LTBP1: variants seen among roughly 807,000 people sequenced by gnomAD.
LTBP1 encodes the protein latent transforming growth factor beta binding protein 1.
A neutral mutation model predicts 207.6 loss-of-function variants in LTBP1; 129 were observed. That is an observed-to-expected ratio of 0.62 (90% CI 0.54 to 0.72). LTBP1 has a LOEUF of 0.72. LTBP1 is among the 30% of genes least tolerant of loss of function. The probability of loss-of-function intolerance (pLI) is 0.00; values close to 1 mark genes in which losing one functional copy is unlikely to be tolerated. For synonymous variants in LTBP1, 963 were observed against 833.7 expected (o/e 1.16, Z -2.67); for missense variants, 2,281 against 2,217.2 (o/e 1.03, Z -0.58).
intron 26 of LTBP1, among the ~76,000 whole-genome samples, chr2:33,352,279 A>ATTGG (rs2094792294): frequency 6.6e-6 from 1 of 152,004 alleles, no homozygotes. Flanking sequence ...TTATAGGAGC[A>ATTGG]TACCACCACG....
intron 2 of LTBP1, among the ~76,000 whole-genome samples, chr2:32,972,705 TAGTG>T (rs1681094273): frequency 6.6e-6 from 1 of 152,180 alleles, no homozygotes; most frequent in Non-Finnish European, 1.5e-5. Flanking sequence ...GTTCTTGTGA[TAGTG>T]AGGGAGTTCT....
intron 31 of LTBP1, among the ~76,000 whole-genome samples, chr2:33,378,185 ATG>A (rs57388002): frequency 0.073 from 9,610 of 131,830 alleles, 507 homozygotes; most frequent in African/African-American, 0.16. Context: ...ATATATATAT[ATG>A]TGTGTGTGTG....
At chr2:33,280,654 TA>T (rs1252784985) in intron 19 of LTBP1, among the ~76,000 whole-genome samples, 1 of 152,256 alleles carries the variant, frequency 6.6e-6, no homozygotes, top group Non-Finnish European at 1.5e-5. Flanking sequence ...CATTTGTGTC[TA>T]CCATGTAATC....
At position 33,053,512 on chromosome 2, in the gene LTBP1, G is replaced by A. The variant is rs181478492; in HGVS notation, c.863+32306G>A. Among the ~76,000 whole-genome samples the A allele has an allele frequency of 1.9e-4, 29 of 152,144 alleles. No homozygotes were observed. In the East Asian group the frequency reaches 2.1e-3, roughly 11 times the overall value. Reference sequence around the variant, plus strand: ...GCCCTCGCAGCCCTCGCTCGCTCTCGGTGCTTCCTCGGCCTCGGCGCCCAG... The same window carrying A: ...GCCCTCGCAGCCCTCGCTCGCTCTCAGTGCTTCCTCGGCCTCGGCGCCCAG... On this transcript the variant is annotated intron_variant, in intron 3 of 33. Transcript: ENST00000404816.
intron 3 of LTBP1, among the ~76,000 whole-genome samples, chr2:33,040,341 C>T (rs1055423173): frequency 1.3e-5 from 2 of 152,184 alleles, no homozygotes; most frequent in African/African-American, 4.8e-5. Context: ...GATTAGCAGA[C>T]CCTTCCTGGT....
At position 33,280,901 on chromosome 2, in the gene LTBP1, T is replaced by G. The variant is rs951493138; in HGVS notation, c.3112+743T>G. Among the ~76,000 whole-genome samples the G allele has an allele frequency of 4.6e-5, 7 of 152,102 alleles. No homozygotes were observed. In the East Asian group the frequency reaches 1.4e-3, roughly 29 times the overall value. The stretch of plus-strand genomic sequence containing the variant: ...CTGGGCAGCATAGCAAGACCTCATC[T>G]CTACAAAACATTAAAAAACTTACCT... On this transcript the variant is annotated intron_variant, in intron 19 of 33. Transcript: ENST00000404816.
At chr2:33,098,681 C>T (rs755220927) in intron 3 of LTBP1, among the ~76,000 whole-genome samples, 24 of 152,128 alleles carry the variant, frequency 1.6e-4, no homozygotes, top group Non-Finnish European at 2.8e-4. Flanking sequence ...TCAGGTAATC[C>T]GCCCACCTTG....
At chr2:33,253,830 C>T (rs558302594) in intron 11 of LTBP1, among the ~76,000 whole-genome samples, 1 of 150,096 alleles carries the variant, frequency 6.7e-6, no homozygotes, top group Non-Finnish European at 1.5e-5. Context: ...TTTAGGCCTC[C>T]AAAAGATCCT....
At chr2:33,298,158 G>C (rs1202195881) in intron 20 of LTBP1, among the ~76,000 whole-genome samples, 2 of 152,170 alleles carry the variant, frequency 1.3e-5, no homozygotes, top group Admixed American at 1.3e-4. Flanking sequence ...GCTCAGAAAT[G>C]CTATCCCTCA....
At chr2:33,051,118 G>A (rs1162192902) in intron 3 of LTBP1, among the ~76,000 whole-genome samples, 1 of 152,160 alleles carries the variant, frequency 6.6e-6, no homozygotes, top group African/African-American at 2.4e-5. Flanking sequence ...AGGAAGTGCT[G>A]TAAAAACTAT....
intron 18 of LTBP1, among the ~76,000 whole-genome samples, chr2:33,276,428 T>A (rs1227674343): frequency 6.6e-6 from 1 of 152,264 alleles, no homozygotes; most frequent in African/African-American, 2.4e-5. Context: ...TCCTCATTAT[T>A]GACCACAGCA....
chr2:33,397,292 A>T lies in LTBP1; in HGVS notation c.4984+10A>T. ...AAGATGACCTGTGTCGGTAAGAATGACGTGTGTTTTATGGGACATTAATTT... is the reference window on the plus strand; with the variant it reads ...AAGATGACCTGTGTCGGTAAGAATGTCGTGTGTTTTATGGGACATTAATTT... On this transcript the variant is annotated intron_variant, in intron 33 of 33. Transcript: ENST00000404816. 2 of 1,613,888 alleles carry T rather than the reference A, an allele frequency of 1.2e-6. No homozygotes were observed. Among genetic ancestry groups the T allele is most frequent in the Non-Finnish European group, 1.7e-6 (2 of 1,179,838 alleles).
chr2:33,283,682 C>T (rs541131201), intron 19 of LTBP1, among the ~76,000 whole-genome samples: 5 of 152,126 alleles, frequency 3.3e-5, no homozygotes, highest in Non-Finnish European at 5.9e-5. Flanking sequence ...GTGATCCACC[C>T]GCCTCGGCCT....
chr2:33,004,346 A>G (rs973786243), intron 2 of LTBP1, among the ~76,000 whole-genome samples: 3 of 152,118 alleles, frequency 2.0e-5, no homozygotes, highest in African/African-American at 7.2e-5. Context: ...TTGTCCTCAC[A>G]GAGTTCTGTG....
At chr2:33,197,023 G>GA (rs1330143199) in intron 7 of LTBP1, among the ~76,000 whole-genome samples, 1 of 152,106 alleles carries the variant, frequency 6.6e-6, no homozygotes, top group African/African-American at 2.4e-5. Context: ...AACCTGTAGG[G>GA]AAAAAAACAT....
intron 9 of LTBP1, among the ~76,000 whole-genome samples, chr2:33,229,759 T>C (rs147756862): frequency 1.0e-3 from 153 of 152,336 alleles, no homozygotes; most frequent in African/African-American, 3.4e-3. Flanking sequence ...TATTAGATGG[T>C]TCTGCCTTAG....
chr2:33,367,791 G>C (rs553770182), intron 31 of LTBP1, among the ~76,000 whole-genome samples: 5 of 152,216 alleles, frequency 3.3e-5, no homozygotes, highest in African/African-American at 1.2e-4. Flanking sequence ...TTTATAAAAG[G>C]AAAATCAGGA....
At chr2:33,268,978 A>G (rs528461196) in intron 15 of LTBP1, among the ~76,000 whole-genome samples, 6 of 152,286 alleles carry the variant, frequency 3.9e-5, no homozygotes, top group African/African-American at 1.4e-4. Flanking sequence ...GAAATGACCC[A>G]AAAATGTTTG....
At chr2:33,195,672 G>A (rs924505710) in intron 7 of LTBP1, among the ~76,000 whole-genome samples, 1 of 152,154 alleles carries the variant, frequency 6.6e-6, no homozygotes, top group African/African-American at 2.4e-5. Flanking sequence ...TGACAACAAT[G>A]GATTTAGAAT....
Sources: allele counts gnomAD v4.1 joint callset (sites outside exome capture counted in the v4.1 genomes callset), GRCh38; gene constraint gnomAD v4.1.1; transcripts MANE v1.5; gene names NCBI Gene and HGNC (gene_info 2026-07-23, HGNC 2026-07-21).